Variants in SHISA9 observed in about 807,000 individuals in gnomAD.
SHISA9 encodes shisa family member 9.
In SHISA9, 13 loss-of-function variants were observed where a neutral mutation model predicts 38.0. That is an observed-to-expected ratio of 0.34 (90% CI 0.22 to 0.54). The LOEUF (loss-of-function observed/expected upper bound fraction) is 0.54, where lower values mean the gene tolerates loss of function less well. Ranked by LOEUF, SHISA9 falls within the 20% of genes least tolerant of loss-of-function variation. The pLI is 0.91. For synonymous variants in SHISA9, 275 were observed against 242.0 expected (o/e 1.14, Z -1.27); for missense variants, 538 against 575.8 (o/e 0.93, Z 0.67).
chr16:13,015,479 G>T (rs1039134094), intron 2 of SHISA9, among the ~76,000 whole-genome samples: 1 of 152,156 alleles, frequency 6.6e-6, no homozygotes, highest in Admixed American at 6.5e-5. Context: ...GACTCCAGTC[G>T]GCATCTCCAA....
chr16:13,356,902 C>G, the SHISA9 span, among the ~76,000 whole-genome samples: 3 of 152,086 alleles, frequency 2.0e-5, no homozygotes, highest in African/African-American at 7.2e-5. Context: ...GAACTACCGT[C>G]GAGTTTGTAT....
intron 2 of SHISA9, among the ~76,000 whole-genome samples, chr16:13,192,799 C>G (rs1271493460): frequency 2.6e-5 from 4 of 151,976 alleles, no homozygotes; most frequent in African/African-American, 9.7e-5. Context: ...CACTTAAACC[C>G]CAGAGGTGGA....
At chr16:13,309,504 G>A in the SHISA9 span, among the ~76,000 whole-genome samples, 350 of 152,008 alleles carry the variant, frequency 2.3e-3, 3 homozygotes, top group African/African-American at 7.4e-3. Context: ...TCAGCTAGGT[G>A]TGGTGGCACA....
intron 1 of SHISA9, chr16:12,908,936 T>A (rs2071143166): frequency 2.0e-6 from 2 of 1,007,510 alleles, no homozygotes; most frequent in Non-Finnish European, 2.4e-6. Context: ...TGTGTGTTTT[T>A]AAAACATGCT....
At chr16:13,217,251 C>T (rs2051178881) in intron 4 of SHISA9, among the ~76,000 whole-genome samples, 1 of 152,096 alleles carries the variant, frequency 6.6e-6, no homozygotes, top group South Asian at 2.1e-4. Context: ...GCACCCCAGC[C>T]TGGGTGACAG....
At chr16:13,055,690 A>G (rs2073302412) in intron 2 of SHISA9, among the ~76,000 whole-genome samples, 1 of 152,196 alleles carries the variant, frequency 6.6e-6, no homozygotes, top group Non-Finnish European at 1.5e-5. Flanking sequence ...CTTCCCTCAT[A>G]GCACTCTGGA....
At chr16:13,276,054 T>C in the SHISA9 span, among the ~76,000 whole-genome samples, 1 of 152,054 alleles carries the variant, frequency 6.6e-6, no homozygotes, top group African/African-American at 2.4e-5. Flanking sequence ...ACCATATTTG[T>C]AGTCTTTTAT....
intron 2 of SHISA9, among the ~76,000 whole-genome samples, chr16:12,957,781 C>G (rs1291564922): frequency 6.6e-6 from 1 of 152,156 alleles, no homozygotes; most frequent in Non-Finnish European, 1.5e-5. Flanking sequence ...AGTCCAAGAT[C>G]AAGGTGCTGG....
chr16:12,972,041 T>TTGTGTGTGTGTGTGTGTGTG (rs72368949), intron 2 of SHISA9, among the ~76,000 whole-genome samples: 2 of 141,948 alleles, frequency 1.4e-5, no homozygotes, highest in South Asian at 2.4e-4. Context: ...CTCTTGGAGT[T>TTGTGTGTGTGTGTGTGTGTG]TGTGTGTGTG....
Position 13,235,477 on chromosome 16 carries a change from C to T in SHISA9, c.*68C>T. 2 of 1,457,376 alleles carry T rather than the reference C, an allele frequency of 1.4e-6. No individual in the cohort carries two copies. Among genetic ancestry groups the T allele is most frequent in the Non-Finnish European group, 1.8e-6 (2 of 1,103,252 alleles). 90.3% of individuals were successfully genotyped at this position (1,457,376 alleles called of 1,614,324 possible). On this transcript the variant is annotated 3_prime_UTR_variant, in exon 5 of 5. Coordinates refer to ENST00000558583, the MANE Select transcript of SHISA9 (RefSeq NM_001145204.3). ...GAGAGGCAAAAAACAACCCCGCCCACACCCTCCCCATCCTCCCCTAATACA... is the reference window on the plus strand; with the variant it reads ...GAGAGGCAAAAAACAACCCCGCCCATACCCTCCCCATCCTCCCCTAATACA...
At chr16:13,469,365 A>AAGAAAGAAAGAAAGGAAAAAG in the SHISA9 span, among the ~76,000 whole-genome samples, 1 of 64,456 alleles carries the variant, frequency 1.6e-5, no homozygotes, top group Non-Finnish European at 3.1e-5. Context: ...AAAGAAAAGA[A>AAGAAAGAAAGAAAGGAAAAAG]AAAGAAAGAA....
At chr16:12,953,987 G>T (rs2071795358) in intron 2 of SHISA9, among the ~76,000 whole-genome samples, 1 of 152,150 alleles carries the variant, frequency 6.6e-6, no homozygotes, top group Admixed American at 6.6e-5. Context: ...CCTCCAACCA[G>T]GTCCCTGCCT....
chr16:12,928,153 G>A (rs1460178327), intron 2 of SHISA9, among the ~76,000 whole-genome samples: 3 of 141,560 alleles, frequency 2.1e-5, no homozygotes, highest in Non-Finnish European at 3.0e-5. Context: ...TAATTCCACT[G>A]TCCTTACTTT....
chr16:12,993,071 G>A (rs1291327672), intron 2 of SHISA9, among the ~76,000 whole-genome samples: 2 of 152,124 alleles, frequency 1.3e-5, no homozygotes, highest in Non-Finnish European at 2.9e-5. Flanking sequence ...TTAATTTTTT[G>A]GTGTGTATTT....
chr16:12,915,749 ACACT>A (rs1185263037), intron 1 of SHISA9, among the ~76,000 whole-genome samples: 2 of 152,240 alleles, frequency 1.3e-5, no homozygotes, highest in African/African-American at 2.4e-5. Context: ...AATATGGCTA[ACACT>A]CACGTGTGAA....
the SHISA9 span, among the ~76,000 whole-genome samples, chr16:13,264,514 C>G: frequency 6.6e-6 from 1 of 152,086 alleles, no homozygotes. Flanking sequence ...GGCGGAGTTT[C>G]TTTTGGTTGT....
chr16:13,061,885 T>C (rs1467059967), intron 2 of SHISA9, among the ~76,000 whole-genome samples: 3 of 151,768 alleles, frequency 2.0e-5, no homozygotes, highest in Admixed American at 6.6e-5. Context: ...CATTGAATGG[T>C]GGGGGGAGGA....
At chr16:13,090,245 G>A (rs1170139206) in intron 2 of SHISA9, among the ~76,000 whole-genome samples, 1 of 152,198 alleles carries the variant, frequency 6.6e-6, no homozygotes, top group Non-Finnish European at 1.5e-5. Context: ...TTTAGAATAA[G>A]TGCAATGTGA....
intron 4 of SHISA9, among the ~76,000 whole-genome samples, chr16:13,234,304 G>A (rs971827344): frequency 5.9e-5 from 9 of 152,152 alleles, no homozygotes; most frequent in African/African-American, 1.7e-4. Context: ...TTATAATGAC[G>A]ATGATAATGG....
Sources: allele counts gnomAD v4.1 joint callset (sites outside exome capture counted in the v4.1 genomes callset), GRCh38; gene constraint gnomAD v4.1.1; transcripts MANE v1.5; gene names NCBI Gene and HGNC (gene_info 2026-07-23, HGNC 2026-07-21).